The following PCDHGA3 variants were observed in gnomAD, a reference collection of about 807,000 sequenced individuals.
PCDHGA3 encodes protocadherin gamma subfamily A, 3.
A neutral mutation model predicts 58.5 loss-of-function variants in PCDHGA3; 40 were observed. The ratio of observed to expected loss-of-function variants is 0.68; its 90% CI spans 0.53 to 0.89. The LOEUF (loss-of-function observed/expected upper bound fraction) is 0.89, where lower values mean the gene tolerates loss of function less well. Among genes scored for constraint, PCDHGA3 ranks in the 40% least tolerant of loss-of-function variants. The pLI, the probability that PCDHGA3 is intolerant of heterozygous loss-of-function variation, is 0.00. For synonymous variants in PCDHGA3, 530 were observed against 525.7 expected, an observed-to-expected ratio of 1.01 and a Z score of -0.11; for missense variants, 1,223 against 1,195.9, an observed-to-expected ratio of 1.02 and a Z score of -0.33.
chr5:141,443,656 A>T (rs139300845), intron 1 of PCDHGA3, among the ~76,000 whole-genome samples: 1 of 152,256 alleles, frequency 6.6e-6, no homozygotes, highest in African/African-American at 2.4e-5. Flanking sequence ...TTAGCATAGC[A>T]TTTTACTGAA....
In PCDHGA3 at chr5:141,457,491, A is replaced by G. The variant is rs1462989353; in HGVS notation, c.2425-37316A>G. Among the ~76,000 whole-genome samples, 9 of 152,368 alleles carry G rather than the reference A, an allele frequency of 5.9e-5. No individual in the cohort carries two copies. The East Asian group carries it at 1.5e-3, about 26-fold the overall frequency. On this transcript the variant is annotated intron_variant, in intron 1 of 3. Transcript: ENST00000253812. ...ATAAGCAGGGCCAGGGTTAGTCTAA[A>G]ATGTAGGCAAAAAGCTTAAAAACAA...
rs1186225096 is a variant in PCDHGA3, at chr5:141,490,605, C to G, written c.2425-4202C>G. The G allele has an allele frequency of 1.1e-5, 18 of 1,614,198 alleles. No homozygotes were observed. Among genetic ancestry groups the G allele is most frequent in the Non-Finnish European group, 1.5e-5 (18 of 1,180,030 alleles). On this transcript the variant is annotated intron_variant, in intron 1 of 3. Transcript: ENST00000253812. The surrounding 1 kb of genome is among the most constrained non-coding windows in gnomAD (Gnocchi z 5.4). ...TCAATGACAATGCACCCCGCTTCAACCAGCAGCTTTACACTGCTTACATCC... is the reference window on the plus strand; with the variant it reads ...TCAATGACAATGCACCCCGCTTCAAGCAGCAGCTTTACACTGCTTACATCC...
intron 2 of PCDHGA3, among the ~76,000 whole-genome samples, chr5:141,496,703 GT>G (rs1360916053): frequency 6.6e-6 from 1 of 152,132 alleles, no homozygotes; most frequent in East Asian, 1.9e-4. Context: ...CTTCTCATAA[GT>G]TATCCATTAA....
chr5:141,464,271 A>AT (rs1336006891), intron 1 of PCDHGA3, among the ~76,000 whole-genome samples: 1 of 136,538 alleles, frequency 7.3e-6, no homozygotes, highest in Non-Finnish European at 1.5e-5. Flanking sequence ...TCTAAAAAAA[A>AT]AAAAAAGCAA....
At chr5:141,408,769 C>T in intron 1 of PCDHGA3, 1 of 1,611,166 alleles carries the variant, frequency 6.2e-7, no homozygotes, top group Non-Finnish European at 8.5e-7. Context: ...CCGATGGTGG[C>T]AAATACCCAG....
At chr5:141,385,961 C>T (rs1446108095) in intron 1 of PCDHGA3, 2 of 152,166 alleles carry the variant, frequency 1.3e-5, no homozygotes, top group African/African-American at 2.4e-5. Context: ...CACTAAAGGC[C>T]ATCGGACAAA....
intron 1 of PCDHGA3, chr5:141,404,217 T>C (rs1188874623): frequency 6.2e-7 from 1 of 1,613,588 alleles, no homozygotes; most frequent in Non-Finnish European, 8.5e-7. Context: ...AATATCACGG[T>C]GACTGCAACA....
chr5:141,439,588 T>C (rs2098121813), intron 1 of PCDHGA3, among the ~76,000 whole-genome samples: 2 of 152,200 alleles, frequency 1.3e-5, no homozygotes, highest in South Asian at 4.1e-4. Flanking sequence ...AGTGCCACTG[T>C]TGGCCAGTCT....
In PCDHGA3 at chr5:141,430,862, G is replaced by A. The variant is rs1365140768; in HGVS notation, c.2425-63945G>A. ...CGGATGCACCCAGATACGCTATTCA[G>A]TTCCGGAAGAGCTGGAGAAAGGCTC... is the stretch of plus-strand genomic sequence containing the variant. On this transcript the variant is annotated intron_variant, in intron 1 of 3. Transcript: ENST00000253812. 3 of 1,594,672 alleles carry A rather than the reference G, an allele frequency of 1.9e-6. No individual in the cohort carries two copies. The African/African-American group carries it at 4.0e-5, about 21-fold the overall frequency.
At position 141,490,132 on chromosome 5, in the gene PCDHGA3, A is replaced by C. The variant is rs1245562757; in HGVS notation, c.2425-4675A>C. On this transcript the variant is annotated intron_variant, in intron 1 of 3. Coordinates refer to ENST00000253812, the MANE Select transcript of PCDHGA3 (RefSeq NM_018916.4). This position sits in a 1 kb window ranked among gnomAD's most constrained non-coding sequence, Gnocchi z 5.4. ...GCGGAACCTCTTTGGCCTAGACCCT[A>C]GCAGTGGGGCAATCCATGTGTTGGG... 6.2e-7 allele frequency: 1 copy of C among 1,614,220 alleles called. No individual in the cohort carries two copies. Among genetic ancestry groups the C allele is most frequent in the South Asian group, 1.1e-5 (1 of 91,088 alleles).
chr5:141,415,007 G>A (rs369009151), intron 1 of PCDHGA3: 1 of 1,613,654 alleles, frequency 6.2e-7, no homozygotes, highest in South Asian at 1.1e-5. Flanking sequence ...CTGTCCTACC[G>A]TCTGCTCAAG....
chr5:141,395,605 A>G (rs1344642467), intron 1 of PCDHGA3: 3 of 198,976 alleles, frequency 1.5e-5, no homozygotes, highest in Non-Finnish European at 3.0e-5. Context: ...CCAAACTAGA[A>G]CTTCAGAAAA....
chr5:141,410,466 G>T (rs536543649), intron 1 of PCDHGA3: 2 of 1,613,908 alleles, frequency 1.2e-6, no homozygotes, highest in South Asian at 1.1e-5. Context: ...TATAATCTGT[G>T]CATTGCACAT....
At position 141,423,654 on chromosome 5, in the gene PCDHGA3, T is replaced by C. The variant is rs768410507; in HGVS notation, c.2425-71153T>C. The C allele has an allele frequency of 6.3e-6, 10 of 1,583,982 alleles. No individual in the cohort carries two copies. The Admixed American group carries it at 1.8e-4, about 28-fold the overall frequency. ...TTTTAGGCAAATGTGACCCGACAAG[T>C]AATCAGGTGAGATTTATTTCTCTGC... On this transcript the variant is annotated intron_variant, in intron 1 of 3. Transcript: ENST00000253812.
In PCDHGA3 at chr5:141,486,885, G is replaced by C. The variant is rs139638334; in HGVS notation, c.2425-7922G>C. 1.2e-6 allele frequency: 2 copies of C among 1,614,076 alleles called. No individual in the cohort carries two copies. Among genetic ancestry groups the C allele is most frequent in the East Asian group, 4.5e-5 (2 of 44,892 alleles). On this transcript the variant is annotated intron_variant, in intron 1 of 3. Coordinates refer to ENST00000253812, the MANE Select transcript of PCDHGA3 (RefSeq NM_018916.4). This position sits in a 1 kb window ranked among gnomAD's most constrained non-coding sequence, Gnocchi z 5.0. ...CCAGCTGTGCTCCGTCCTCGGGCCC[G>C]GCCTGGTTCCTTATGTCCCCAAGCA...
At chr5:141,414,395 G>GAAAAGTCC (rs1226242642) in intron 1 of PCDHGA3, 1 of 1,613,924 alleles carries the variant, frequency 6.2e-7, no homozygotes, top group South Asian at 1.1e-5. Context: ...AGTTATTACA[G>GAAAAGTCC]ATTGGTGATA....
At chr5:141,383,213 A>C in intron 1 of PCDHGA3, 1 of 1,614,012 alleles carries the variant, frequency 6.2e-7, no homozygotes, top group Non-Finnish European at 8.5e-7. Flanking sequence ...TGTCTGGTAA[A>C]CTTTAACATC....
At chr5:141,484,968 C>A (rs2099604490) in intron 1 of PCDHGA3, 2 of 585,734 alleles carry the variant, frequency 3.4e-6, no homozygotes, top group African/African-American at 3.7e-5. Context: ...GCCCGGGAGC[C>A]GCTGTCTGCC....
intron 1 of PCDHGA3, chr5:141,364,438 G>T: frequency 6.2e-7 from 1 of 1,613,820 alleles, no homozygotes; most frequent in African/African-American, 1.3e-5. Flanking sequence ...ACTCGATGCC[G>T]GAGGAGCTGG....
Sources: gnomAD v4.1 joint callset for allele counts (sites outside exome capture counted in the v4.1 genomes callset) on GRCh38, gnomAD v4.1.1 for gene constraint, Gnocchi (gnomAD v3.1) non-coding constraint, MANE v1.5 for transcripts, NCBI Gene and HGNC (gene_info 2026-07-23, HGNC 2026-07-21) for gene names.